HACE1: variants seen among roughly 807,000 people sequenced by gnomAD.
HACE1 encodes the protein HECT domain and ankyrin repeat containing E3 ubiquitin protein ligase 1.
In HACE1, 73 loss-of-function variants were observed where a neutral mutation model predicts 118.4. That is an observed-to-expected ratio of 0.62 (90% CI 0.51 to 0.75). The LOEUF (loss-of-function observed/expected upper bound fraction) is 0.75. Among genes scored for constraint, HACE1 ranks in the 30% least tolerant of loss-of-function variants. The pLI is 0.00. For missense variants in HACE1, 749 were observed against 1,102.2 expected (o/e 0.68, Z 4.54); for synonymous variants, 368 against 374.8 (o/e 0.98, Z 0.21).
intron 5 of HACE1, among the ~76,000 whole-genome samples, chr6:104,840,516 C>T (rs776798535): frequency 6.6e-6 from 1 of 152,104 alleles, no homozygotes; most frequent in South Asian, 2.1e-4. Context: ...ATAGAGACAA[C>T]ATTTTAAAAT....
At chr6:104,730,437 A>G (rs574277220) in intron 22 of HACE1, 21 bp from the exon 23 acceptor site, 2 of 1,040,166 alleles carry the variant, frequency 1.9e-6, no homozygotes, top group South Asian at 1.3e-5. Flanking sequence ...ATATCTTAAT[A>G]CATTGTAATC....
At chr6:104,794,203 C>T (rs1034791726) in intron 10 of HACE1, among the ~76,000 whole-genome samples, 11 of 152,050 alleles carry the variant, frequency 7.2e-5, no homozygotes, top group Middle Eastern at 3.2e-3. Context: ...ATAATATATT[C>T]GAATGCTCCT....
chr6:104,738,185 G>C (rs1196115540), intron 22 of HACE1, among the ~76,000 whole-genome samples: 1 of 152,116 alleles, frequency 6.6e-6, no homozygotes, highest in East Asian at 1.9e-4. Flanking sequence ...CATCATCAAA[G>C]ACCATAAGTA....
intron 22 of HACE1, among the ~76,000 whole-genome samples, chr6:104,743,088 C>T (rs888675161): frequency 5.9e-4 from 86 of 146,814 alleles, no homozygotes; most frequent in African/African-American, 2.1e-3. Context: ...CGCGTATTCT[C>T]ATTCATAGGT....
chr6:104,831,858 A>G (rs1055752619), intron 6 of HACE1, among the ~76,000 whole-genome samples: 4 of 151,774 alleles, frequency 2.6e-5, no homozygotes, highest in South Asian at 2.1e-4. Flanking sequence ...GCGCCACTGC[A>G]CTCCAGCCTG....
Position 104,840,241 on chromosome 6 carries a change from T to C in HACE1, c.402+2982A>G, listed in dbSNP as rs949732083. Among the ~76,000 whole-genome samples, 5 of 152,172 alleles carry C rather than the reference T, an allele frequency of 3.3e-5. No individual in the cohort carries two copies. The South Asian group carries it at 6.2e-4, about 19-fold the overall frequency. Reference sequence around the variant, plus strand: ...ATTAACTACAGGGAAAATAAAATGTTATGCAAGAAAGGAAAGCAACTATAA... The same window carrying C: ...ATTAACTACAGGGAAAATAAAATGTCATGCAAGAAAGGAAAGCAACTATAA... On this transcript the variant is annotated intron_variant, in intron 5 of 23. Transcript: ENST00000262903.
At chr6:104,770,066 G>A (rs903032707) in intron 19 of HACE1, among the ~76,000 whole-genome samples, 6 of 152,090 alleles carry the variant, frequency 3.9e-5, no homozygotes, top group South Asian at 2.1e-4. Context: ...AACTGAGTTC[G>A]AAGAATTGTT....
intron 19 of HACE1, among the ~76,000 whole-genome samples, chr6:104,759,245 G>C (rs57120384): frequency 2.2e-3 from 340 of 152,102 alleles, no homozygotes; most frequent in African/African-American, 7.8e-3. Flanking sequence ...ACAGAATATA[G>C]ATTCTTCTCA....
intron 6 of HACE1, among the ~76,000 whole-genome samples, chr6:104,827,035 CAA>C (rs1273438430): frequency 1.3e-5 from 2 of 152,136 alleles, no homozygotes; most frequent in Non-Finnish European, 2.9e-5. Context: ...TTTCAAGTGA[CAA>C]AACAATATCC....
At chr6:104,852,934 G>C (rs1776386818) in intron 1 of HACE1, among the ~76,000 whole-genome samples, 1 of 152,130 alleles carries the variant, frequency 6.6e-6, no homozygotes. Context: ...TTATGAAAGA[G>C]CACTGAAGTC....
chr6:104,845,255 T>C (rs999040422), intron 4 of HACE1, among the ~76,000 whole-genome samples: 1 of 152,026 alleles, frequency 6.6e-6, no homozygotes, highest in Admixed American at 6.6e-5. Flanking sequence ...AACTCAGTAG[T>C]AAGCATAGCC....
chr6:104,803,773 A>C (rs1770672791), intron 7 of HACE1, among the ~76,000 whole-genome samples: 1 of 152,220 alleles, frequency 6.6e-6, no homozygotes, highest in African/African-American at 2.4e-5. Flanking sequence ...GAATGGGCAA[A>C]AACTGGAAGC....
intron 19 of HACE1, among the ~76,000 whole-genome samples, chr6:104,767,631 CAA>C (rs1209894204): frequency 6.6e-6 from 1 of 152,166 alleles, no homozygotes; most frequent in Non-Finnish European, 1.5e-5. Context: ...TTTGTGGATG[CAA>C]AGTCTTTCAG....
chr6:104,802,365 A>T (rs1442110809), intron 7 of HACE1, among the ~76,000 whole-genome samples: 2 of 152,192 alleles, frequency 1.3e-5, no homozygotes, highest in African/African-American at 4.8e-5. Flanking sequence ...GACCAAGTGG[A>T]CCTAATAGAC....
intron 7 of HACE1, among the ~76,000 whole-genome samples, chr6:104,798,612 C>A (rs1024085036): frequency 6.6e-6 from 1 of 152,056 alleles, no homozygotes; most frequent in African/African-American, 2.4e-5. Flanking sequence ...TCAGCTTTAC[C>A]GGCATCAAGC....
chr6:104,738,907 G>T (rs954776533), intron 22 of HACE1, among the ~76,000 whole-genome samples: 6 of 150,958 alleles, frequency 4.0e-5, no homozygotes, highest in Non-Finnish European at 7.4e-5. Context: ...AATGTTAAGG[G>T]CAGCCAGAGA....
intron 1 of HACE1, among the ~76,000 whole-genome samples, chr6:104,855,792 A>G (rs1362241635): frequency 6.6e-6 from 1 of 152,206 alleles, no homozygotes; most frequent in Non-Finnish European, 1.5e-5. Context: ...AAGTCATAAA[A>G]AACACTGTTA....
intron 7 of HACE1, among the ~76,000 whole-genome samples, chr6:104,808,020 C>G (rs2114953429): frequency 6.6e-6 from 1 of 152,138 alleles, no homozygotes; most frequent in East Asian, 1.9e-4. Context: ...AACGCCATCT[C>G]TACTAAAATA....
At chr6:104,757,317 C>T (rs925743736) in intron 19 of HACE1, among the ~76,000 whole-genome samples, 6 of 152,268 alleles carry the variant, frequency 3.9e-5, no homozygotes, top group Admixed American at 3.3e-4. Context: ...CAGGCGGGTG[C>T]CCCTCTGGGA....
Sources: gnomAD v4.1 joint callset for allele counts (sites outside exome capture counted in the v4.1 genomes callset) on GRCh38, gnomAD v4.1.1 for gene constraint, MANE v1.5 for transcripts, NCBI Gene and HGNC (gene_info 2026-07-23, HGNC 2026-07-21) for gene names.